VPS13D: variants seen among roughly 807,000 people sequenced by gnomAD.
VPS13D encodes the protein vacuolar protein sorting 13 homolog D.
Under a neutral mutation model 461.9 loss-of-function variants are expected in VPS13D, and 187 were observed. The ratio of observed to expected loss-of-function variants is 0.40; its 90% confidence interval spans 0.36 to 0.46. VPS13D has a LOEUF of 0.46. Ranked by LOEUF, VPS13D falls within the 20% of genes least tolerant of loss-of-function variation. The probability of loss-of-function intolerance (pLI) is 0.60; values close to 1 mark genes in which losing one functional copy is unlikely to be tolerated. For synonymous variants in VPS13D, 1,951 were observed against 1,986.3 expected (o/e 0.98, Z 0.47); for missense variants, 4,711 against 5,364.9 (o/e 0.88, Z 3.81).
chr1:12,304,528 C>G lies in VPS13D; in HGVS notation c.6239C>G (p.Pro2080Arg), dbSNP rs766422861. 6.2e-7 allele frequency: 1 copy of G among 1,613,888 alleles called. No individual in the cohort carries two copies. Among genetic ancestry groups the G allele is most frequent in the South Asian group, 1.1e-5 (1 of 91,056 alleles). ...QDKESVPSAS[P>R]TGIPKHSLRK... ...CAGGAATCTGTGCCTTCAGCTTCCC[C>G]AACGGGTATTCCCAAACACAGTCTG... Residue 2080 changes from proline (P) to arginine (R), a missense_variant, in exon 26 of 70, where the codon CCA (proline) becomes CGA (arginine). Pro to Arg is a moderately radical substitution (Grantham distance 103). Around this residue, in one of 3 missense-constraint regions of VPS13D, gnomAD observed 4,411 missense variants for 4,937.8 expected, o/e 0.89. Coordinates refer to ENST00000620676, the MANE Select transcript of VPS13D (RefSeq NM_015378.4).
At chr1:12,294,987 C>T (rs982976793) in intron 24 of VPS13D, among the ~76,000 whole-genome samples, 2 of 151,880 alleles carry the variant, frequency 1.3e-5, no homozygotes, top group African/African-American at 4.8e-5. Flanking sequence ...CTTTGGGGGG[C>T]GAGGCGGGCA....
At chr1:12,388,902 A>G (rs548010450) in intron 60 of VPS13D, among the ~76,000 whole-genome samples, 34 of 152,358 alleles carry the variant, frequency 2.2e-4, no homozygotes, top group African/African-American at 8.2e-4. Flanking sequence ...GAGAATGACT[A>G]GATTAACATC....
At position 12,244,346 on chromosome 1, in the gene VPS13D, G is replaced by T. The variant is rs150965747; in HGVS notation, c.276G>T (p.Glu92Asp). Residue 92 changes from glutamate (E) to aspartate (D), a missense_variant, in exon 4 of 70, where the codon GAG (glutamate) becomes GAT (aspartate). This residue lies in a region of VPS13D where 4,411 missense variants were observed against 4,937.8 expected (regional missense o/e 0.89). Coordinates refer to ENST00000620676, the MANE Select transcript of VPS13D (RefSeq NM_015378.4). ...GCCTTCACTTAATTGGAGCCCCAGA[G>T]AAAATACAGGATTTCAATGATGAAA... ...ISSLHLIGAP[E>D]KIQDFNDEKE... 407 of 1,614,124 alleles carry T rather than the reference G, an allele frequency of 2.5e-4. 5 individuals carry two copies. The African/African-American group carries it at 5.1e-3, about 20-fold the overall frequency.
intron 63 of VPS13D, among the ~76,000 whole-genome samples, chr1:12,409,070 T>C (rs1644690917): frequency 6.6e-6 from 1 of 152,100 alleles, no homozygotes; most frequent in Non-Finnish European, 1.5e-5. Flanking sequence ...TTTGTCTTTT[T>C]ACTTTGCTTT....
chr1:12,470,956 T>C (rs918089823), intron 67 of VPS13D, among the ~76,000 whole-genome samples: 5 of 152,238 alleles, frequency 3.3e-5, no homozygotes, highest in African/African-American at 1.2e-4. Flanking sequence ...TTTTAGTTTT[T>C]TTATACCTTA....
At position 12,277,385 on chromosome 1, in the gene VPS13D, T is replaced by C. The variant is rs1437206424; in HGVS notation, c.3797T>C (p.Leu1266Pro). ...SVFVRMEDAALTEALSFTFVE... is the reference protein window; with the variant it reads ...SVFVRMEDAAPTEALSFTFVE... The stretch of plus-strand genomic sequence containing the variant: ...TTTGTCAGAATGGAAGATGCAGCCC[T>C]CACTGAAGCTTTGAGTTTCACGTTT... Residue 1266 changes from leucine to proline, a missense_variant, in exon 19 of 70, where the codon CTC becomes CCC. Leu to Pro is a moderately conservative substitution (Grantham distance 98). Around this residue, in one of 3 missense-constraint regions of VPS13D, gnomAD observed 4,411 missense variants for 4,937.8 expected, o/e 0.89. Coordinates refer to ENST00000620676, the MANE Select transcript of VPS13D (RefSeq NM_015378.4). 2 of 1,614,234 alleles carry C rather than the reference T, an allele frequency of 1.2e-6. No homozygotes were observed. The highest frequency in any genetic ancestry group is 1.6e-4 in the Middle Eastern group (1 of 6,062).
chr1:12,475,867 G>A (rs1645624409), intron 67 of VPS13D, among the ~76,000 whole-genome samples: 1 of 151,210 alleles, frequency 6.6e-6, no homozygotes, highest in African/African-American at 2.4e-5. Flanking sequence ...TCTTTTAGCT[G>A]ATGGCCAAGA....
chr1:12,366,735 G>A (rs903700656), intron 52 of VPS13D, among the ~76,000 whole-genome samples: 26 of 152,212 alleles, frequency 1.7e-4, no homozygotes, highest in African/African-American at 6.0e-4. Flanking sequence ...TTAAACTATA[G>A]GAAAGTTACA....
Position 12,362,726 on chromosome 1 carries a change from A to G in VPS13D, c.10148A>G (p.Asp3383Gly). 1.9e-6 allele frequency: 3 copies of G among 1,614,000 alleles called. No individual in the cohort carries two copies. The highest frequency in any genetic ancestry group is 2.5e-6 in the Non-Finnish European group (3 of 1,179,956). The change falls in exon 51 of 70, where the codon GAT becomes GGT. Residue 3383 changes from aspartate to glycine, a missense_variant. This residue lies in a region of VPS13D where 4,411 missense variants were observed against 4,937.8 expected (regional missense o/e 0.89). Transcript: ENST00000620676. ...TGGTTCTTGTTATTTGTAGGTATTG[A>G]TGTCAAGAAAGGCCGAGGTCGATAC... ...RPGLIYNIGI[D>G]VKKGRGRYID...
At position 12,368,514 on chromosome 1, in the gene VPS13D, C is replaced by G. The variant is rs749096548; in HGVS notation, c.10495C>G (p.Arg3499Gly). Reference protein sequence around the residue: ...CFFLRVEITLRGATYRISFSD... With the variant: ...CFFLRVEITLGGATYRISFSD... ...CTTCCTACGAGTGGAAATTACTCTCCGAGGAGCTACGTATAGGATCTCATT... is the reference window on the plus strand; with the variant it reads ...CTTCCTACGAGTGGAAATTACTCTCGGAGGAGCTACGTATAGGATCTCATT... The change falls in exon 53 of 70, where the codon CGA (arginine) becomes GGA (glycine). Residue 3499 changes from arginine to glycine, a missense_variant. Arg to Gly is a moderately radical substitution (Grantham distance 125, BLOSUM62 -2). This residue lies in a region of VPS13D where 4,411 missense variants were observed against 4,937.8 expected (regional missense o/e 0.89). Transcript: ENST00000620676. 2 of 1,613,600 alleles carry G rather than the reference C, an allele frequency of 1.2e-6. No individual in the cohort carries two copies. Among genetic ancestry groups the G allele is most frequent in the Non-Finnish European group, 1.7e-6 (2 of 1,179,760 alleles).
chr1:12,289,060 TC>T (rs1642052732), intron 22 of VPS13D, among the ~76,000 whole-genome samples: 1 of 152,126 alleles, frequency 6.6e-6, no homozygotes, highest in African/African-American at 2.4e-5. Flanking sequence ...CAGGCTATTC[TC>T]GAACTCCTGA....
Position 12,279,557 on chromosome 1 carries a change from G to T in VPS13D, c.4509G>T (p.Glu1503Asp), listed in dbSNP as rs755006898. Residue 1503 changes from glutamate (E) to aspartate (D), a missense_variant, in exon 20 of 70, where the codon GAG becomes GAT. Physicochemically the swap from Glu to Asp is conservative, Grantham distance 45. Coordinates refer to ENST00000620676, the MANE Select transcript of VPS13D (RefSeq NM_015378.4). The surrounding 1 kb of genome is among the most constrained non-coding windows in gnomAD (Gnocchi z 4.3). The stretch of plus-strand genomic sequence containing the variant: ...TTAAACTGGAGAAGATCCCTATAGA[G>T]AGAGAATCTGAATTGACTTTTTCTC... The part of the protein sequence containing the change: ...IQFKLEKIPI[E>D]RESELTFSLS... The T allele has an allele frequency of 1.9e-6, 3 of 1,613,406 alleles. No homozygotes were observed. The highest frequency in any genetic ancestry group is 1.7e-6 in the Non-Finnish European group (2 of 1,179,520).
chr1:12,272,955 G>A (rs781667372), intron 17 of VPS13D, 48 bp from the exon 18 acceptor site: 3 of 1,598,936 alleles, frequency 1.9e-6, no homozygotes, highest in Non-Finnish European at 1.7e-6. Context: ...CATGGATAAA[G>A]CTGTTGGGTT....
intron 60 of VPS13D, among the ~76,000 whole-genome samples, chr1:12,393,448 C>T (rs904427303): frequency 1.6e-4 from 24 of 152,240 alleles, no homozygotes; most frequent in Non-Finnish European, 3.4e-4. Context: ...TGGCTGCATA[C>T]CAGGTACCAG....
At chr1:12,453,128 G>C (rs1296842831) in intron 65 of VPS13D, among the ~76,000 whole-genome samples, 2 of 152,150 alleles carry the variant, frequency 1.3e-5, no homozygotes, top group Admixed American at 1.3e-4. Flanking sequence ...TGGTGCTGGG[G>C]AGCTGAGGCT....
chr1:12,318,959 TA>T (rs1642960426), intron 31 of VPS13D, among the ~76,000 whole-genome samples: 1 of 152,212 alleles, frequency 6.6e-6, no homozygotes, highest in African/African-American at 2.4e-5. Context: ...TGGTTTTTGA[TA>T]AAAACACAGT....
intron 55 of VPS13D, among the ~76,000 whole-genome samples, chr1:12,374,390 G>T (rs1340819624): frequency 3.3e-5 from 5 of 151,732 alleles, no homozygotes; most frequent in African/African-American, 9.7e-5. Flanking sequence ...GTTTGTTTTT[G>T]TTTTTTTTAC....
chr1:12,256,237 A>G, intron 7 of VPS13D, 96 bp from the exon 8 acceptor site: 2 of 1,398,164 alleles, frequency 1.4e-6, no homozygotes, highest in Admixed American at 2.2e-5. Context: ...CCTATGGCTG[A>G]GCTCCACTGT....
chr1:12,373,991 T>C (rs1469192174), intron 55 of VPS13D, 133 bp downstream of exon 55: 2 of 560,758 alleles, frequency 3.6e-6, no homozygotes, highest in Non-Finnish European at 5.9e-6. Flanking sequence ...CCTCTTGGCA[T>C]TTCCAGGTCA....
Sources: gnomAD v4.1 joint callset for allele counts (sites outside exome capture counted in the v4.1 genomes callset) on GRCh38, gnomAD v4.1.1 for gene constraint, gnomAD v4.1.1 regional missense constraint, Gnocchi (gnomAD v3.1) non-coding constraint, MANE v1.5 for transcripts, NCBI Gene and HGNC (gene_info 2026-07-23, HGNC 2026-07-21) for gene names.